The following SVBP variants were observed in gnomAD, a reference collection of about 807,000 sequenced individuals.
SVBP encodes small vasohibin-binding protein.
Under a neutral mutation model 9.2 loss-of-function variants are expected in SVBP, and 9 were observed. That is an observed-to-expected ratio of 0.98 (90% CI 0.59 to 1.71). SVBP has a LOEUF of 1.71. Ranked by LOEUF, SVBP falls within the 40% of genes most tolerant of loss-of-function variation. The probability of loss-of-function intolerance (pLI) is 0.00; values close to 1 mark genes in which losing one functional copy is unlikely to be tolerated. For missense variants in SVBP, 63 were observed against 73.2 expected (o/e 0.86, Z 0.51); for synonymous variants, 27 against 23.9 (o/e 1.13, Z -0.37).
At position 42,817,375 on chromosome 1, in the gene SVBP, C is replaced by G. The variant is rs1434021504; in HGVS notation, c.-222G>C. The G allele has an allele frequency of 1.8e-6, 1 of 553,658 alleles. No homozygotes were observed. Among genetic ancestry groups the G allele is most frequent in the Non-Finnish European group, 2.4e-6 (1 of 415,256 alleles). 34.3% of individuals were successfully genotyped at this position (553,658 alleles called of 1,614,324 possible). On this transcript the variant is annotated 5_prime_UTR_variant, in exon 1 of 3. Coordinates refer to ENST00000372521, the MANE Select transcript of SVBP (RefSeq NM_199342.4). ...CCGAGCGCCAGGAGGCTTCCGCCCG[C>G]AGGAGCGGCCGCGCGTGCGCAGAGA...
In SVBP at chr1:42,812,045, T is replaced by TA. The variant is rs761597068; in HGVS notation, c.114+4385dup. ...TTACTAAAGACAATATCCTTGGATT[T>TA]AAAAAAAAAAAAAAGAGTACAATAG... On this transcript the variant is annotated intron_variant, in intron 2 of 2. Transcript: ENST00000372521. 7.2e-3 allele frequency among the ~76,000 whole-genome samples: 1,019 copies of TA among 142,448 alleles called. 16 individuals are homozygous for TA. The highest frequency in any genetic ancestry group is 0.02 in the African/African-American group (781 of 38,974). 93.5% of individuals were successfully genotyped at this position (142,448 alleles called of 152,430 possible).
In SVBP at chr1:42,817,342, G is replaced by GCGCAGGGC. The variant is rs1265445024; in HGVS notation, c.-197_-190dup. The GCGCAGGGC allele has an allele frequency of 2.2e-6, 2 of 905,186 alleles. No homozygotes were observed. The highest frequency in any genetic ancestry group is 1.1e-4 in the East Asian group (1 of 8,898). 56.1% of individuals were successfully genotyped at this position (905,186 alleles called of 1,614,324 possible). ...GCGGGGCCGCGCGCCGGGGGGAGGGGCGCAGGGCCGAGCGCCAGGAGGCTT... is the reference window on the plus strand; with the variant it reads ...GCGGGGCCGCGCGCCGGGGGGAGGGGCGCAGGGCCGCAGGGCCGAGCGCCAGGAGGCTT... On this transcript the variant is annotated 5_prime_UTR_variant, in exon 1 of 3. Coordinates refer to ENST00000372521, the MANE Select transcript of SVBP (RefSeq NM_199342.4).
At chr1:42,808,149 G>GTATATATA (rs781743959) in intron 2 of SVBP, among the ~76,000 whole-genome samples, 50 of 58,252 alleles carry the variant, frequency 8.6e-4, no homozygotes, top group African/African-American at 1.1e-3. Context: ...GTGTGTGTGT[G>GTATATATA]TATATATATA....
At chr1:42,810,425 T>C (rs373828320) in intron 2 of SVBP, among the ~76,000 whole-genome samples, 12 of 152,272 alleles carry the variant, frequency 7.9e-5, no homozygotes, top group East Asian at 3.9e-4. Flanking sequence ...GGATTACAGG[T>C]GTGAGCCACT....
intron 2 of SVBP, among the ~76,000 whole-genome samples, chr1:42,812,118 A>C (rs367770163): frequency 4.9e-4 from 75 of 152,258 alleles, no homozygotes; most frequent in African/African-American, 1.7e-3. Context: ...TCTTTTAATA[A>C]ATCCAGCACA....
Position 42,817,249 on chromosome 1 carries a change from G to T in SVBP, c.-96C>A. 8.0e-7 allele frequency: 1 copy of T among 1,253,238 alleles called. No individual in the cohort carries two copies. The highest frequency in any genetic ancestry group is 1.0e-6 in the Non-Finnish European group (1 of 972,390). The allele number at this position is 1,253,238 out of a possible 1,614,324, so 77.6% of individuals were successfully genotyped here. A position where few individuals can be genotyped will look rare whatever the true frequency, so the allele number is the denominator to read the frequency against. On this transcript the variant is annotated 5_prime_UTR_variant, in exon 1 of 3. Transcript: ENST00000372521. ...CGCCGAGTCGCAGACAACGCCTCCG[G>T]GAGGGTAATCCTCGCCTTCCCCCGA...
intron 1 of SVBP, 194 bp downstream of exon 1, chr1:42,816,996 C>G (rs1654231934): frequency 3.9e-6 from 1 of 255,086 alleles, no homozygotes; most frequent in South Asian, 1.4e-4. Flanking sequence ...CCTAACTCCG[C>G]CGCAGCAGCC....
chr1:42,812,923 C>T (rs997750472), intron 2 of SVBP, among the ~76,000 whole-genome samples: 6 of 152,056 alleles, frequency 3.9e-5, no homozygotes, highest in African/African-American at 1.4e-4. Context: ...CTACTTGTAG[C>T]AAAGAGGTAC....
rs1007407959 is a variant in SVBP at position 42,817,277 on chromosome 1, A to C, written c.-124T>G. On this transcript the variant is annotated 5_prime_UTR_variant, in exon 1 of 3. Coordinates refer to ENST00000372521, the MANE Select transcript of SVBP (RefSeq NM_199342.4). ...GGGTAATCCTCGCCTTCCCCCGACCACTGGACCCAGCGCTGCCTGCCCACC... is the reference window on the plus strand; with the variant it reads ...GGGTAATCCTCGCCTTCCCCCGACCCCTGGACCCAGCGCTGCCTGCCCACC... 4 of 1,231,884 alleles carry C rather than the reference A, an allele frequency of 3.2e-6. No individual in the cohort carries two copies. The East Asian group carries it at 2.5e-4, about 78-fold the overall frequency. 76.3% of individuals were successfully genotyped at this position (1,231,884 alleles called of 1,614,324 possible).
At chr1:42,816,194 G>C in intron 2 of SVBP, 1 of 454,602 alleles carries the variant, frequency 2.2e-6, no homozygotes, top group Non-Finnish European at 3.9e-6. Context: ...CTTCCCTTGG[G>C]TCTCTTACCA....
chr1:42,810,007 T>A (rs1570514885), intron 2 of SVBP, among the ~76,000 whole-genome samples: 1 of 151,626 alleles, frequency 6.6e-6, no homozygotes. Flanking sequence ...AGGAAAGGAG[T>A]ACACAAAGCT....
chr1:42,813,159 AT>A (rs1382210084), intron 2 of SVBP, among the ~76,000 whole-genome samples: 1 of 152,046 alleles, frequency 6.6e-6, no homozygotes, highest in Admixed American at 6.6e-5. Context: ...AATGAGGAGT[AT>A]TTTTTTTCTA....
rs545704988 is a variant in SVBP, at chr1:42,807,314, C to T, written c.*100G>A. ...GTTCAGATTTATCCACAAATGTCTT[C>T]TGGTCTAGTTCTGTAAGGCTCCAAA... is the stretch of plus-strand genomic sequence containing the variant. On this transcript the variant is annotated 3_prime_UTR_variant, in exon 3 of 3. Coordinates refer to ENST00000372521, the MANE Select transcript of SVBP (RefSeq NM_199342.4). 1.3e-6 allele frequency: 1 copy of T among 766,436 alleles called. No homozygotes were observed. The highest frequency in any genetic ancestry group is 1.6e-5 in the South Asian group (1 of 62,292). 47.5% of individuals were successfully genotyped at this position (766,436 alleles called of 1,614,324 possible).
intron 2 of SVBP, among the ~76,000 whole-genome samples, chr1:42,812,968 G>GC (rs1553148090): frequency 9.7e-4 from 147 of 152,014 alleles, no homozygotes; most frequent in African/African-American, 3.4e-3. Flanking sequence ...AAAGGCACAA[G>GC]TTTTTTTTGC....
At chr1:42,813,302 T>G in intron 2 of SVBP, 1 of 298,560 alleles carries the variant, frequency 3.3e-6, no homozygotes, top group Non-Finnish European at 6.8e-6. Context: ...ATGAAAGGAA[T>G]TCCATTAATT....
At chr1:42,814,367 T>C (rs68054072) in intron 2 of SVBP, among the ~76,000 whole-genome samples, 116,422 of 151,300 alleles carry the variant, frequency 0.77, 45,400 homozygotes, top group East Asian at 0.99. Flanking sequence ...TGAGCCACTG[T>C]GCCTGGCCAA....
chr1:42,816,262 G>A, intron 2 of SVBP, 169 bp downstream of exon 2: 1 of 532,606 alleles, frequency 1.9e-6, no homozygotes, highest in Non-Finnish European at 3.3e-6. Context: ...ATTCTGGGCT[G>A]CCACCTCACC....
At position 42,817,361 on chromosome 1, in the gene SVBP, G is replaced by A. The variant is rs1325034582; in HGVS notation, c.-208C>T. The A allele has an allele frequency of 1.4e-6, 1 of 706,068 alleles. No individual in the cohort carries two copies. Among genetic ancestry groups the A allele is most frequent in the African/African-American group, 2.0e-5 (1 of 50,934 alleles). 43.7% of individuals were successfully genotyped at this position (706,068 alleles called of 1,614,324 possible). Reference sequence around the variant, plus strand: ...GGAGGGGCGCAGGGCCGAGCGCCAGGAGGCTTCCGCCCGCAGGAGCGGCCG... The same window carrying A: ...GGAGGGGCGCAGGGCCGAGCGCCAGAAGGCTTCCGCCCGCAGGAGCGGCCG... On this transcript the variant is annotated 5_prime_UTR_variant, in exon 1 of 3. Coordinates refer to ENST00000372521, the MANE Select transcript of SVBP (RefSeq NM_199342.4).
chr1:42,810,879 T>C (rs183649744), intron 2 of SVBP, among the ~76,000 whole-genome samples: 46 of 152,168 alleles, frequency 3.0e-4, no homozygotes, highest in African/African-American at 1.1e-3. Flanking sequence ...GCGGCTCACA[T>C]ATGTAATCCC....
Sources: allele counts gnomAD v4.1 joint callset (sites outside exome capture counted in the v4.1 genomes callset), GRCh38; gene constraint gnomAD v4.1.1; transcripts MANE v1.5; gene names NCBI Gene and HGNC (gene_info 2026-07-23, HGNC 2026-07-21).